Variants in PRELID2 observed in about 807,000 individuals in gnomAD.
PRELID2 encodes PRELI domain containing 2.
PRELID2 carries 25 observed loss-of-function variants against 28.4 expected under a neutral mutation model. The ratio of observed to expected loss-of-function variants is 0.88; its 90% CI spans 0.64 to 1.23. PRELID2 has a LOEUF of 1.23. Ranked by LOEUF, PRELID2 falls within the 50% of genes most tolerant of loss-of-function variation. The pLI is 0.00. For synonymous variants in PRELID2, 76 were observed against 71.6 expected, an observed-to-expected ratio of 1.06 and a Z score of -0.31; for missense variants, 201 against 214.4, an observed-to-expected ratio of 0.94 and a Z score of 0.39.
At chr5:145,383,113 T>G in the PRELID2 span, among the ~76,000 whole-genome samples, 1 of 150,736 alleles carries the variant, frequency 6.6e-6, no homozygotes, top group Admixed American at 6.6e-5. Flanking sequence ...TTTTTAAAAA[T>G]AAAAAATTTA....
At chr5:145,754,226 A>G (rs1459774193), downstream of PRELID2, 1 of 152,218 alleles carries the variant, frequency 6.6e-6, no homozygotes. Context: ...AGGCTGGGCT[A>G]GAGAGAAGCT....
chr5:145,712,322 T>C (rs1190589938), intron 1 of PRELID2, among the ~76,000 whole-genome samples: 1 of 152,254 alleles, frequency 6.6e-6, no homozygotes, highest in Non-Finnish European at 1.5e-5. Flanking sequence ...CTTGAAGTTA[T>C]AGCTATTGTA....
At chr5:145,459,964 C>T in the PRELID2 span, among the ~76,000 whole-genome samples, 1 of 152,018 alleles carries the variant, frequency 6.6e-6, no homozygotes, top group Non-Finnish European at 1.5e-5. Flanking sequence ...GGGCATGCCA[C>T]CACTCCCAGC....
chr5:145,238,893 A>C, the PRELID2 span, among the ~76,000 whole-genome samples: 2 of 152,094 alleles, frequency 1.3e-5, no homozygotes, highest in African/African-American at 2.4e-5. Context: ...ATCATCACTT[A>C]TTTACCTGCT....
At chr5:145,230,156 G>A in the PRELID2 span, 10 of 445,668 alleles carry the variant, frequency 2.2e-5, no homozygotes, top group Non-Finnish European at 3.8e-5. Flanking sequence ...GTTCTCCCCA[G>A]CTGGCAACCT....
chr5:145,420,495 T>C, the PRELID2 span, among the ~76,000 whole-genome samples: 2 of 146,060 alleles, frequency 1.4e-5, no homozygotes, highest in African/African-American at 5.0e-5. Flanking sequence ...TTTGAAGCAA[T>C]TGGGAATGGG....
chr5:145,418,404 GA>G, the PRELID2 span, among the ~76,000 whole-genome samples: 1 of 151,950 alleles, frequency 6.6e-6, no homozygotes, highest in Non-Finnish European at 1.5e-5. Context: ...AAAATTCATA[GA>G]GAACCAAAAA....
intron 1 of PRELID2, chr5:145,728,564 T>A (rs1027130395): frequency 1.2e-6 from 1 of 834,844 alleles, no homozygotes; most frequent in African/African-American, 1.7e-5. Context: ...TTTCCTGGAA[T>A]GAATTGTTGA....
chr5:145,512,308 C>T lies in PRELID2; in HGVS notation n.71-38993G>A, dbSNP rs143374369. Reference sequence around the variant, plus strand: ...TGGGTGCAGCCCCCAGAGTGAGAGCCAAAGCAGGGTGGGGAGTCGCCTCAC... The same window carrying T: ...TGGGTGCAGCCCCCAGAGTGAGAGCTAAAGCAGGGTGGGGAGTCGCCTCAC... On this transcript the variant is annotated intron_variant and non_coding_transcript_variant, in intron 1 of 2. Coordinates refer to the PRELID2 transcript ENST00000510259. Among the ~76,000 whole-genome samples the T allele has an allele frequency of 9.2e-5, 14 of 152,242 alleles. 1 individual carries two copies. The East Asian group carries it at 2.7e-3, about 30-fold the overall frequency.
chr5:145,350,010 C>T, the PRELID2 span, among the ~76,000 whole-genome samples: 1 of 152,056 alleles, frequency 6.6e-6, no homozygotes, highest in Admixed American at 6.6e-5. Flanking sequence ...GGTAACCATG[C>T]CATAAAATAA....
intron 1 of PRELID2, among the ~76,000 whole-genome samples, chr5:145,741,373 A>T (rs1271214064): frequency 8.7e-6 from 1 of 114,508 alleles, no homozygotes; most frequent in Non-Finnish European, 1.6e-5. Flanking sequence ...TTTATATATA[A>T]ATTTTATTTA....
intron 1 of PRELID2, among the ~76,000 whole-genome samples, chr5:145,553,396 G>A (rs1172448783): frequency 6.6e-6 from 1 of 152,156 alleles, no homozygotes; most frequent in Non-Finnish European, 1.5e-5. Flanking sequence ...AGTGACTAAG[G>A]AGTGCTTAGT....
the PRELID2 span, among the ~76,000 whole-genome samples, chr5:145,251,428 C>A: frequency 5.9e-5 from 9 of 152,214 alleles, no homozygotes; most frequent in African/African-American, 2.2e-4. Context: ...TCTGTAACTG[C>A]GCTCCATGAG....
At chr5:145,599,125 A>G (rs1753352272) in intron 1 of PRELID2, among the ~76,000 whole-genome samples, 1 of 151,604 alleles carries the variant, frequency 6.6e-6, no homozygotes, top group South Asian at 2.1e-4. Context: ...GAGAGGCAAC[A>G]TGGAGACAGT....
At chr5:145,336,470 C>A in the PRELID2 span, among the ~76,000 whole-genome samples, 1 of 151,700 alleles carries the variant, frequency 6.6e-6, no homozygotes, top group Admixed American at 6.6e-5. Flanking sequence ...AGGAAGGGAT[C>A]CAGTTTCAGC....
chr5:145,818,491 A>G (rs1754532307), intron 3 of PRELID2, among the ~76,000 whole-genome samples: 1 of 152,224 alleles, frequency 6.6e-6, no homozygotes, highest in Non-Finnish European at 1.5e-5. Flanking sequence ...AGGTGAAGAC[A>G]TGGAAAACTA....
At chr5:145,790,307 G>C (rs547889422) in intron 5 of PRELID2, among the ~76,000 whole-genome samples, 1 of 152,254 alleles carries the variant, frequency 6.6e-6, no homozygotes, top group South Asian at 2.1e-4. Flanking sequence ...TGGAGTACTA[G>C]TCAGCCTTAA....
intron 1 of PRELID2, among the ~76,000 whole-genome samples, chr5:145,833,486 C>T (rs1244457308): frequency 6.6e-6 from 1 of 152,190 alleles, no homozygotes; most frequent in Non-Finnish European, 1.5e-5. Flanking sequence ...AAGGCAAAGT[C>T]TACAACAGGT....
At chr5:145,540,929 G>C in intron 1 of PRELID2, among the ~76,000 whole-genome samples, 1 of 151,854 alleles carries the variant, frequency 6.6e-6, no homozygotes, top group East Asian at 1.9e-4. Context: ...TGGCATAGAG[G>C]CTACGTTTTC....
Sources: gnomAD v4.1 joint callset for allele counts (sites outside exome capture counted in the v4.1 genomes callset) on GRCh38, gnomAD v4.1.1 for gene constraint, MANE v1.5 for transcripts, NCBI Gene and HGNC (gene_info 2026-07-23, HGNC 2026-07-21) for gene names.